Variants in ASTN2 observed in about 807,000 individuals in gnomAD.
ASTN2 encodes astrotactin 2.
Under a neutral mutation model 139.8 loss-of-function variants are expected in ASTN2, and 54 were observed. That is an observed-to-expected ratio of 0.39 (90% CI 0.31 to 0.48). ASTN2 has a LOEUF of 0.48. Ranked by LOEUF, ASTN2 falls within the 20% of genes least tolerant of loss-of-function variation. ASTN2 has a pLI of 0.95. For missense variants in ASTN2, 1,565 were observed against 1,725.1 expected (o/e 0.91, Z 1.64); for synonymous variants, 756 against 719.5 (o/e 1.05, Z -0.81).
intron 12 of ASTN2, among the ~76,000 whole-genome samples, chr9:116,813,802 A>G (rs1831230196): frequency 6.6e-6 from 1 of 152,124 alleles, no homozygotes; most frequent in Non-Finnish European, 1.5e-5. Context: ...TGGGGGGCTG[A>G]GACTGGCGGA....
intron 22 of ASTN2, among the ~76,000 whole-genome samples, chr9:116,431,844 G>A (rs1301561894): frequency 1.3e-5 from 2 of 152,128 alleles, no homozygotes; most frequent in African/African-American, 4.8e-5. Context: ...TCAATCCTCT[G>A]CTGTAAGGCA....
chr9:117,379,378 A>G (rs1457727535), intron 1 of ASTN2, among the ~76,000 whole-genome samples: 4 of 152,124 alleles, frequency 2.6e-5, no homozygotes, highest in Non-Finnish European at 5.9e-5. Context: ...CCACTGACTC[A>G]GGGAGAACTA....
At chr9:117,378,946 G>A (rs1047845969) in intron 1 of ASTN2, among the ~76,000 whole-genome samples, 1 of 152,036 alleles carries the variant, frequency 6.6e-6, no homozygotes, top group African/African-American at 2.4e-5. Flanking sequence ...TACAAGATCT[G>A]GTTGTTTAAA....
chr9:117,298,511 C>T (rs559197634), intron 1 of ASTN2, among the ~76,000 whole-genome samples: 11 of 151,924 alleles, frequency 7.2e-5, no homozygotes, highest in African/African-American at 1.7e-4. Flanking sequence ...CTCACAGGGT[C>T]GTTTTTAGAA....
chr9:116,805,697 C>T lies in ASTN2; in HGVS notation c.2331G>A (p.Met777Ile). 1.2e-6 allele frequency: 2 copies of T among 1,613,972 alleles called. No individual in the cohort carries two copies. The highest frequency in any genetic ancestry group is 1.7e-6 in the Non-Finnish European group (2 of 1,179,866). ...SKFNDTLFGE[M>I]LHGYNNRTQH... Reference sequence around the variant, plus strand: ...GGGTCCGGTTGTTGTAACCATGTAGCATCTCTCCAAAGAGGGTATCATTGA... The same window carrying T: ...GGGTCCGGTTGTTGTAACCATGTAGTATCTCTCCAAAGAGGGTATCATTGA... Residue 777 changes from methionine (M) to isoleucine (I), a missense_variant, in exon 13 of 23, where the codon ATG (methionine) becomes ATA (isoleucine). Physicochemically the swap from Met to Ile is conservative, Grantham distance 10 (BLOSUM62 1). This residue lies in a region of ASTN2 where 503 missense variants were observed against 591.7 expected (regional missense o/e 0.85). Transcript: ENST00000313400.
At chr9:117,248,879 C>G (rs961380932) in intron 2 of ASTN2, among the ~76,000 whole-genome samples, 2 of 152,194 alleles carry the variant, frequency 1.3e-5, no homozygotes, top group African/African-American at 4.8e-5. Context: ...CAGACTTCAT[C>G]AAGGCTGGAT....
intron 2 of ASTN2, among the ~76,000 whole-genome samples, chr9:117,280,566 A>G (rs147031410): frequency 5.3e-5 from 8 of 152,284 alleles, no homozygotes; most frequent in Non-Finnish European, 8.8e-5. Context: ...GCCCAAACCA[A>G]GGAAAACCAA....
At chr9:117,375,307 C>T (rs1268149448) in intron 1 of ASTN2, among the ~76,000 whole-genome samples, 1 of 152,166 alleles carries the variant, frequency 6.6e-6, no homozygotes, top group Non-Finnish European at 1.5e-5. Context: ...AGTTTATTCT[C>T]CAAGGGTCAA....
At chr9:116,856,812 A>G (rs780663255) in intron 11 of ASTN2, among the ~76,000 whole-genome samples, 20 of 152,166 alleles carry the variant, frequency 1.3e-4, no homozygotes, top group Non-Finnish European at 2.5e-4. Flanking sequence ...TGACTGGGTG[A>G]TTTGTAGGGT....
intron 19 of ASTN2, among the ~76,000 whole-genome samples, chr9:116,592,900 T>C (rs1439209646): frequency 6.6e-6 from 1 of 152,136 alleles, no homozygotes; most frequent in Non-Finnish European, 1.5e-5. Context: ...CTTCTCCCAG[T>C]GATAAAGGTG....
intron 19 of ASTN2, among the ~76,000 whole-genome samples, chr9:116,614,552 C>T (rs1186550732): frequency 5.3e-5 from 8 of 151,980 alleles, no homozygotes; most frequent in Non-Finnish European, 1.2e-4. Flanking sequence ...ACAATAGAGC[C>T]CCCGGAAACA....
At chr9:117,190,749 T>C (rs77793773) in intron 3 of ASTN2, among the ~76,000 whole-genome samples, 2 of 152,162 alleles carry the variant, frequency 1.3e-5, no homozygotes, top group East Asian at 3.8e-4. Context: ...TCAGTTTTCA[T>C]GTGTTATCTG....
Position 116,807,390 on chromosome 9 carries a change from C to A in ASTN2, c.2208-1570G>T, listed in dbSNP as rs540116713. On this transcript the variant is annotated intron_variant, in intron 12 of 22. Transcript: ENST00000313400. ...TAGTGAAAAGCCAGGAAGTCTCATG[C>A]ATGAAGCAAACTGTCACTGTTTCCT... Among the ~76,000 whole-genome samples the A allele has an allele frequency of 3.3e-5, 5 of 152,314 alleles. No homozygotes were observed. The East Asian group carries it at 5.8e-4, about 18-fold the overall frequency.
intron 6 of ASTN2, among the ~76,000 whole-genome samples, chr9:117,011,079 C>G (rs1588478595): frequency 6.6e-6 from 1 of 152,188 alleles, no homozygotes; most frequent in Non-Finnish European, 1.5e-5. Flanking sequence ...CCACTACAAG[C>G]TCTGTGAAAT....
chr9:116,553,611 G>T (rs1852454607), intron 19 of ASTN2, among the ~76,000 whole-genome samples: 1 of 152,160 alleles, frequency 6.6e-6, no homozygotes, highest in Non-Finnish European at 1.5e-5. Context: ...TGGGGATCAG[G>T]AAGACTTGAG....
chr9:117,246,694 A>G (rs1833392337), intron 2 of ASTN2, among the ~76,000 whole-genome samples: 1 of 152,150 alleles, frequency 6.6e-6, no homozygotes, highest in South Asian at 2.1e-4. Flanking sequence ...GCATTTCTTC[A>G]CTTAATTCAC....
At position 117,260,209 on chromosome 9, in the gene ASTN2, A is replaced by G. The variant is rs570647908; in HGVS notation, c.630+31117T>C. Among the ~76,000 whole-genome samples, 6 of 152,290 alleles carry G rather than the reference A, an allele frequency of 3.9e-5. No individual in the cohort carries two copies. In the East Asian group the frequency reaches 9.7e-4, roughly 25 times the overall value. ...ACAGAGCACATGAATGCAATGCACT[A>G]AGACCACAATGGCTTCACCTTCACC... On this transcript the variant is annotated intron_variant, in intron 2 of 22. Coordinates refer to ENST00000313400, the MANE Select transcript of ASTN2 (RefSeq NM_001365068.1).
intron 12 of ASTN2, among the ~76,000 whole-genome samples, chr9:116,807,895 A>G (rs888133703): frequency 6.6e-6 from 1 of 151,496 alleles, no homozygotes; most frequent in Non-Finnish European, 1.5e-5. Flanking sequence ...GTGGATCATG[A>G]GGTCAGGCGT....
At chr9:116,674,483 C>G (rs10983302) in intron 16 of ASTN2, among the ~76,000 whole-genome samples, 1 of 152,214 alleles carries the variant, frequency 6.6e-6, no homozygotes, top group African/African-American at 2.4e-5. Flanking sequence ...GAGAGCCATC[C>G]TGCCCACAAA....
Sources: gnomAD v4.1 joint callset for allele counts (sites outside exome capture counted in the v4.1 genomes callset) on GRCh38, gnomAD v4.1.1 for gene constraint, gnomAD v4.1.1 regional missense constraint, MANE v1.5 for transcripts, NCBI Gene and HGNC (gene_info 2026-07-23, HGNC 2026-07-21) for gene names.